CDC23: variants seen among roughly 807,000 people sequenced by gnomAD.
CDC23 encodes the protein cell division cycle 23.
CDC23 carries 26 observed loss-of-function variants against 81.7 expected under a neutral mutation model. That is an observed-to-expected ratio of 0.32 (90% CI 0.23 to 0.44). CDC23 has a LOEUF of 0.44. CDC23 is among the 20% of genes least tolerant of loss of function. CDC23 has a pLI of 1.00. For missense variants in CDC23, 519 were observed against 728.0 expected, an observed-to-expected ratio of 0.71 and a Z score of 3.30; for synonymous variants, 267 against 270.8, an observed-to-expected ratio of 0.99 and a Z score of 0.14.
rs747433832 is a variant in CDC23 at position 138,191,932 on chromosome 5, T to C, written c.1292A>G (p.Asn431Ser). The change falls in exon 12 of 16, where the codon AAT becomes AGT. Residue 431 changes from asparagine (N) to serine (S), a missense_variant. This residue lies in a region of CDC23 where 175 missense variants were observed against 337.8 expected (regional missense o/e 0.52). Coordinates refer to ENST00000394886, the MANE Select transcript of CDC23 (RefSeq NM_004661.4). The part of the protein sequence containing the change: ...YYRRAHQLRP[N>S]DSRMLVALGE... ...TAAAGCAACCAGCATGCGAGAATCA[T>C]TGGGTCTGAGAAAGAAGAACAGGCA... The C allele has an allele frequency of 1.4e-5, 22 of 1,613,998 alleles. No homozygotes were observed. The highest frequency in any genetic ancestry group is 2.2e-5 in the East Asian group (1 of 44,892).
At chr5:138,195,903 A>G (rs555933543) in intron 9 of CDC23, among the ~76,000 whole-genome samples, 1 of 147,592 alleles carries the variant, frequency 6.8e-6, no homozygotes, top group African/African-American at 2.5e-5. Flanking sequence ...AGAAGGGAGC[A>G]AGTCACATCA....
intron 13 of CDC23, among the ~76,000 whole-genome samples, chr5:138,190,303 G>A (rs1352932491): frequency 1.3e-5 from 2 of 151,148 alleles, no homozygotes; most frequent in African/African-American, 4.9e-5. Context: ...ACTAAAAGTA[G>A]AAAAATTAGC....
intron 9 of CDC23, among the ~76,000 whole-genome samples, chr5:138,197,286 A>C (rs1456322269): frequency 7.2e-6 from 1 of 138,476 alleles, no homozygotes; most frequent in Non-Finnish European, 1.5e-5. Context: ...CCTGGACGAC[A>C]GAGCGAGACT....
rs763418558 is a variant in CDC23, at chr5:138,198,728, T to C, written c.709A>G (p.Ile237Val). The C allele has an allele frequency of 6.8e-6, 11 of 1,614,158 alleles. No homozygotes were observed. Among genetic ancestry groups the C allele is most frequent in the Admixed American group, 1.7e-5 (1 of 60,022 alleles). ...TCTATCAACTGCAACTCTGTGTATATATGAGCCAGAAAAAACTCTTTCATC... is the reference window on the plus strand; with the variant it reads ...TCTATCAACTGCAACTCTGTGTATACATGAGCCAGAAAAAACTCTTTCATC... ...TWMKEFFLAH[I>V]YTELQLIEEA... Residue 237 changes from isoleucine to valine, a missense_variant, in exon 7 of 16, where the codon ATA becomes GTA. Physicochemically the swap from Ile to Val is conservative, Grantham distance 29. Around this residue, in one of 4 missense-constraint regions of CDC23, gnomAD observed 180 missense variants for 239.3 expected, o/e 0.75. Transcript: ENST00000394886.
Position 138,195,560 on chromosome 5 carries a change from TA to T in CDC23, c.1012+2638del, listed in dbSNP as rs1184579921. On this transcript the variant is annotated intron_variant, in intron 9 of 15. Transcript: ENST00000394886. Reference sequence around the variant, plus strand: ...TATTTATATATAATATAATTATATATAATATATTTATATATAATATATTATA... The same window carrying T: ...TATTTATATATAATATAATTATATATATATATTTATATATAATATATTATA... Among the ~76,000 whole-genome samples, 4 of 96,108 alleles carry T rather than the reference TA, an allele frequency of 4.2e-5. No homozygotes were observed. In the East Asian group the frequency reaches 8.7e-4, roughly 21 times the overall value. 63.1% of individuals were successfully genotyped at this position (96,108 alleles called of 152,430 possible).
rs374455292 is a variant in CDC23, at chr5:138,206,941, G to A, written c.235-257C>T. On this transcript the variant is annotated intron_variant, in intron 2 of 15. Transcript: ENST00000394886. Reference sequence around the variant, plus strand: ...GTCACCCAGGCTGGAGTGCAGTGGCGCAATCTCAGCTCACTGCAACCTCTG... The same window carrying A: ...GTCACCCAGGCTGGAGTGCAGTGGCACAATCTCAGCTCACTGCAACCTCTG... Among the ~76,000 whole-genome samples the A allele has an allele frequency of 2.9e-4, 42 of 147,114 alleles. No homozygotes were observed. The East Asian group carries it at 4.6e-3, about 16-fold the overall frequency.
intron 2 of CDC23, among the ~76,000 whole-genome samples, chr5:138,211,621 T>C (rs1755114201): frequency 6.6e-6 from 1 of 151,388 alleles, no homozygotes; most frequent in African/African-American, 2.4e-5. Flanking sequence ...CATCATGCCA[T>C]TGCACTCCAG....
At position 138,191,489 on chromosome 5, in the gene CDC23, AG is replaced by A; in HGVS notation, c.1408del (p.Leu470TrpfsTer2). 6.2e-7 allele frequency: 1 copy of A among 1,614,150 alleles called. No individual in the cohort carries two copies. Among genetic ancestry groups the A allele is most frequent in the Non-Finnish European group, 8.5e-7 (1 of 1,179,962 alleles). ...TTTCACTCACTTTGCCAGTTTCACC[AG>A]AGCCATTTTCTCCACATCTCCCACG... is the stretch of plus-strand genomic sequence containing the variant. Reference protein sequence around the residue: ...YAVGDVEKMALVKLAKLHEQL... With the variant: ...YAVGDVEKMAXVKLAKLHEQL... On this transcript the variant is annotated frameshift_variant, in exon 13 of 16. Coordinates refer to ENST00000394886, the MANE Select transcript of CDC23 (RefSeq NM_004661.4). LOFTEE classifies it high-confidence loss of function.
intron 2 of CDC23, among the ~76,000 whole-genome samples, chr5:138,209,347 G>T (rs937138016): frequency 6.0e-5 from 9 of 150,776 alleles, no homozygotes; most frequent in Non-Finnish European, 1.0e-4. Flanking sequence ...AGAATCACTT[G>T]AACCTGGGAG....
rs1167707286 is a variant in CDC23 at position 138,188,262 on chromosome 5, T to C, written c.*716A>G. 2 of 152,334 alleles carry C rather than the reference T, an allele frequency of 1.3e-5. No individual in the cohort carries two copies. Among genetic ancestry groups the C allele is most frequent in the Admixed American group, 6.5e-5 (1 of 15,290 alleles). The allele number at this position is 152,334 out of a possible 1,614,324, so 9.4% of individuals were successfully genotyped here. A position where few individuals can be genotyped will look rare whatever the true frequency, so the allele number is the denominator to read the frequency against. On this transcript the variant is annotated 3_prime_UTR_variant, in exon 16 of 16. Transcript: ENST00000394886. ...AATCCTATCTCCTTGCTTGCTTTGG[T>C]AGGAGTATAGCTAACAATATAGCCA...
chr5:138,194,588 T>G (rs1754862786), intron 9 of CDC23, among the ~76,000 whole-genome samples: 1 of 152,172 alleles, frequency 6.6e-6, no homozygotes, highest in African/African-American at 2.4e-5. Flanking sequence ...TTTGGGGTGA[T>G]GGAGTATTCT....
chr5:138,201,039 C>T, intron 6 of CDC23, 68 bp downstream of exon 6: 1 of 1,561,918 alleles, frequency 6.4e-7, no homozygotes, highest in Middle Eastern at 1.7e-4. Flanking sequence ...TTTCCCCACC[C>T]CTATATTACT....
At chr5:138,192,478 C>G in intron 10 of CDC23, 26 bp downstream of exon 10, 1 of 1,613,336 alleles carries the variant, frequency 6.2e-7, no homozygotes, top group Non-Finnish European at 8.5e-7. Flanking sequence ...GCAATCTGCT[C>G]TACCTCACCA....
chr5:138,207,910 G>A (rs969248331), intron 2 of CDC23, among the ~76,000 whole-genome samples: 4 of 151,556 alleles, frequency 2.6e-5, no homozygotes, highest in African/African-American at 7.3e-5. Flanking sequence ...ATCTGGTGAC[G>A]TAGCAAGACT....
At chr5:138,195,257 AG>A (rs1754872020) in intron 9 of CDC23, among the ~76,000 whole-genome samples, 1 of 151,350 alleles carries the variant, frequency 6.6e-6, no homozygotes, top group South Asian at 2.1e-4. Context: ...AGTAACTTAA[AG>A]GGGGAAAGGT....
chr5:138,188,850 C>A lies in CDC23; in HGVS notation c.*128G>T. On this transcript the variant is annotated 3_prime_UTR_variant, in exon 16 of 16. Coordinates refer to ENST00000394886, the MANE Select transcript of CDC23 (RefSeq NM_004661.4). ...CTGAAGGTAATTATACAAGCTGTCCCTATGGAGCTGTTGCCATCTGTAGAA... is the reference window on the plus strand; with the variant it reads ...CTGAAGGTAATTATACAAGCTGTCCATATGGAGCTGTTGCCATCTGTAGAA... The A allele has an allele frequency of 1.2e-6, 1 of 812,140 alleles. No homozygotes were observed. The highest frequency in any genetic ancestry group is 1.9e-6 in the Non-Finnish European group (1 of 529,378). The allele number at this position is 812,140 out of a possible 1,614,324, so 50.3% of individuals were successfully genotyped here.
At chr5:138,192,211 GA>G (rs1225304355) in intron 11 of CDC23, 57 bp downstream of exon 11, 12 of 1,597,550 alleles carry the variant, frequency 7.5e-6, no homozygotes, top group East Asian at 2.2e-5. Context: ...ATCAAAAGAG[GA>G]AAAAAAAGTT....
At chr5:138,211,494 C>G (rs1755112644) in intron 2 of CDC23, among the ~76,000 whole-genome samples, 2 of 151,842 alleles carry the variant, frequency 1.3e-5, no homozygotes, top group Non-Finnish European at 2.9e-5. Context: ...AAACCCTGTC[C>G]CTACTAAAAA....
At chr5:138,196,389 C>G (rs1754905906) in intron 9 of CDC23, among the ~76,000 whole-genome samples, 1 of 151,012 alleles carries the variant, frequency 6.6e-6, no homozygotes, top group Non-Finnish European at 1.5e-5. Context: ...CTCCTGGGTT[C>G]AAGCAATTCT....
Sources: gnomAD v4.1 joint callset for allele counts (sites outside exome capture counted in the v4.1 genomes callset) on GRCh38, gnomAD v4.1.1 for gene constraint, gnomAD v4.1.1 regional missense constraint, MANE v1.5 for transcripts, NCBI Gene and HGNC (gene_info 2026-07-23, HGNC 2026-07-21) for gene names.